Variants in BICDL1 observed in about 807,000 individuals in gnomAD.
BICDL1 encodes the protein BICD family like cargo adaptor 1.
BICDL1 carries 20 observed loss-of-function variants against 76.8 expected under a neutral mutation model. The observed-to-expected ratio is 0.26, with a 90% CI of 0.18 to 0.38. The LOEUF (loss-of-function observed/expected upper bound fraction) is 0.38, where lower values mean the gene tolerates loss of function less well. Among genes scored for constraint, BICDL1 ranks in the 10% least tolerant of loss-of-function variants. BICDL1 has a pLI of 1.00. For synonymous variants in BICDL1, 383 were observed against 337.1 expected, an observed-to-expected ratio of 1.14 and a Z score of -1.49; for missense variants, 700 against 798.6, an observed-to-expected ratio of 0.88 and a Z score of 1.49.
At chr12:120,036,363 T>A (rs75328973) in intron 2 of BICDL1, among the ~76,000 whole-genome samples, 2 of 152,246 alleles carry the variant, frequency 1.3e-5, no homozygotes, top group Admixed American at 1.3e-4. Context: ...TTTATGCTAG[T>A]TTAATTCTTT....
chr12:120,057,071 T>A lies in BICDL1; in HGVS notation c.646-4639T>A, dbSNP rs969513004. 1.2e-5 allele frequency: 6 copies of A among 521,734 alleles called. No individual in the cohort carries two copies. The Admixed American group carries it at 1.2e-4, about 10-fold the overall frequency. The allele number at this position is 521,734 out of a possible 1,614,324, so 32.3% of individuals were successfully genotyped here. On this transcript the variant is annotated intron_variant, in intron 2 of 9. Coordinates refer to ENST00000548673, the MANE Select transcript of BICDL1 (RefSeq NM_001367886.1). ...AGAGGAAGAGAGCTTCAGGCTGTCC[T>A]CCTCCACCTCTGATGCAGAATTTGA...
rs370308796 is a variant in BICDL1, at chr12:120,083,050, A to G, written c.1583+2033A>G. Among the ~76,000 whole-genome samples the G allele has an allele frequency of 1.3e-4, 19 of 151,306 alleles. No individual in the cohort carries two copies. In the South Asian group the frequency reaches 2.1e-3, roughly 17 times the overall value. On this transcript the variant is annotated intron_variant, in intron 8 of 9. Transcript: ENST00000548673. ...GCTAAGTTTTGTATTTTTAGTAGAG[A>G]TGGGGTTTCACCATGTTGGCCAGGC... is the stretch of plus-strand genomic sequence containing the variant.
chr12:120,078,916 C>T (rs1476768311), intron 7 of BICDL1, among the ~76,000 whole-genome samples: 1 of 152,242 alleles, frequency 6.6e-6, no homozygotes, highest in African/African-American at 2.4e-5. Context: ...CTGTCTCTTC[C>T]AGGTGCTTTG....
intron 2 of BICDL1, among the ~76,000 whole-genome samples, chr12:120,040,089 T>TTTTTC (rs548426958): frequency 8.5e-5 from 13 of 152,068 alleles, no homozygotes; most frequent in East Asian, 3.9e-4. Context: ...TCCATATTTC[T>TTTTTC]TTTTCTTTTC....
Position 120,081,000 on chromosome 12 carries a change from C to T in BICDL1, c.1566C>T (p.Arg522=), listed in dbSNP as rs752811109. 2.0e-5 allele frequency: 33 copies of T among 1,613,184 alleles called. No individual in the cohort carries two copies. Among genetic ancestry groups the T allele is most frequent in the East Asian group, 4.5e-5 (2 of 44,848 alleles). ...KEQLQKAIRD[R]DEAIAKKNAV... is the part of the protein sequence containing the mutation. Reference sequence around the variant, plus strand: ...AGCTTCAGAAGGCCATCAGGGACCGCGACGAGGCCATTGCAAAGTGAGTAG... The same window carrying T: ...AGCTTCAGAAGGCCATCAGGGACCGTGACGAGGCCATTGCAAAGTGAGTAG... The change falls in exon 8 of 10, where the codon CGC becomes CGT. Residue 522 remains arginine, a synonymous_variant. Coordinates refer to ENST00000548673, the MANE Select transcript of BICDL1 (RefSeq NM_001367886.1).
intron 2 of BICDL1, chr12:120,019,037 T>A (rs1594122528): frequency 8.2e-6 from 1 of 122,244 alleles, no homozygotes; most frequent in African/African-American, 3.3e-5. Context: ...AGAGCGAGAC[T>A]CCGTCTCAAA....
intron 2 of BICDL1, among the ~76,000 whole-genome samples, chr12:120,050,425 C>G (rs1033439723): frequency 6.6e-6 from 1 of 151,734 alleles, no homozygotes; most frequent in Non-Finnish European, 1.5e-5. Context: ...CGCCACCACG[C>G]CCAGCTAATT....
At chr12:120,010,976 C>T (rs373174307) in intron 2 of BICDL1, among the ~76,000 whole-genome samples, 2 of 151,988 alleles carry the variant, frequency 1.3e-5, no homozygotes, top group East Asian at 1.9e-4. Flanking sequence ...GAAGAGTAAC[C>T]CTAGTTACAG....
chr12:120,046,114 T>G (rs1461686548), intron 2 of BICDL1, among the ~76,000 whole-genome samples: 1 of 152,116 alleles, frequency 6.6e-6, no homozygotes, highest in Admixed American at 6.5e-5. Flanking sequence ...ACTCTCCCCC[T>G]TTAGCTGCAA....
Position 120,077,956 on chromosome 12 carries a change from G to A in BICDL1, c.1453-2931G>A, listed in dbSNP as rs534815186. ...GCTGCATTCCAGCCGCACAGCCTGC[G>A]TCCCTCTGGTTTCCCTCTTGCCCCC... On this transcript the variant is annotated intron_variant, in intron 7 of 9. Transcript: ENST00000548673. Among the ~76,000 whole-genome samples the A allele has an allele frequency of 7.9e-5, 12 of 152,254 alleles. No homozygotes were observed. In the East Asian group the frequency reaches 1.4e-3, roughly 17 times the overall value.
chr12:120,045,819 A>G (rs892407214), intron 2 of BICDL1, among the ~76,000 whole-genome samples: 4 of 151,428 alleles, frequency 2.6e-5, no homozygotes, highest in Non-Finnish European at 4.4e-5. Flanking sequence ...ACCTAATGCT[A>G]GATGACGAGT....
chr12:119,999,401 A>G (rs774172584), intron 2 of BICDL1, among the ~76,000 whole-genome samples: 3 of 152,228 alleles, frequency 2.0e-5, no homozygotes, highest in Non-Finnish European at 4.4e-5. Flanking sequence ...TAATTCGTTT[A>G]GTTCAAATAT....
At chr12:120,058,125 G>C (rs537762002) in intron 2 of BICDL1, among the ~76,000 whole-genome samples, 1 of 152,062 alleles carries the variant, frequency 6.6e-6, no homozygotes, top group African/African-American at 2.4e-5. Context: ...GAGCCACCGC[G>C]CCTGGCCGAT....
rs1875004090 is a variant in BICDL1 at position 120,091,877 on chromosome 12, G to A, written c.1705-1123G>A. On this transcript the variant is annotated intron_variant, in intron 9 of 9. Coordinates refer to ENST00000548673, the MANE Select transcript of BICDL1 (RefSeq NM_001367886.1). ...CCCTCATCTCGTCAGTGGCTGCTCG[G>A]AACCAAAGAGGTCATCTGCCCTGGC... is the stretch of plus-strand genomic sequence containing the variant. 4.1e-6 allele frequency: 4 copies of A among 985,230 alleles called. No individual in the cohort carries two copies. In the African/African-American group the frequency reaches 7.0e-5, roughly 17 times the overall value. The allele number at this position is 985,230 out of a possible 1,614,324, so 61.0% of individuals were successfully genotyped here.
chr12:120,005,047 T>TC (rs2138638768), intron 2 of BICDL1, among the ~76,000 whole-genome samples: 1 of 152,268 alleles, frequency 6.6e-6, no homozygotes, highest in African/African-American at 2.4e-5. Flanking sequence ...AGTCTCAAAC[T>TC]CCTTGACCTC....
chr12:120,016,434 C>CTTTT (rs1174613877), intron 2 of BICDL1, among the ~76,000 whole-genome samples: 19 of 95,874 alleles, frequency 2.0e-4, no homozygotes, highest in Non-Finnish European at 2.6e-4. Context: ...TGTCTGTAAC[C>CTTTT]TTTTTTTTTT....
intron 2 of BICDL1, among the ~76,000 whole-genome samples, chr12:120,005,247 C>T (rs75935159): frequency 1.3e-3 from 191 of 152,276 alleles, no homozygotes; most frequent in African/African-American, 4.2e-3. Flanking sequence ...GTGAAAATCT[C>T]CCATGGTCCT....
intron 2 of BICDL1, among the ~76,000 whole-genome samples, chr12:120,028,822 G>T (rs914570812): frequency 6.6e-6 from 1 of 152,154 alleles, no homozygotes; most frequent in Non-Finnish European, 1.5e-5. Flanking sequence ...TTCAAGTCTA[G>T]CCTGGACAAC....
intron 1 of BICDL1, among the ~76,000 whole-genome samples, chr12:119,996,130 G>T (rs1485867369): frequency 6.6e-6 from 1 of 152,078 alleles, no homozygotes; most frequent in Non-Finnish European, 1.5e-5. Flanking sequence ...AATATAATGT[G>T]TCTTTTTCAA....
Sources: allele counts gnomAD v4.1 joint callset (sites outside exome capture counted in the v4.1 genomes callset), GRCh38; gene constraint gnomAD v4.1.1; transcripts MANE v1.5; gene names NCBI Gene and HGNC (gene_info 2026-07-23, HGNC 2026-07-21).